SKIC8: variants seen among roughly 807,000 people sequenced by gnomAD.
SKIC8 encodes SKI8 subunit of superkiller complex.
At chr15:78,296,316 G>C in the SKIC8 span, among the ~76,000 whole-genome samples, 1 of 152,080 alleles carries the variant, frequency 6.6e-6, no homozygotes. Flanking sequence ...TGAGGCAGGA[G>C]AATCACTTGA....
chr15:78,292,334 C>A, the SKIC8 span: 2 of 333,930 alleles, frequency 6.0e-6, no homozygotes, highest in East Asian at 1.3e-4. Context: ...TACCAAAATT[C>A]ATTTGGCAGC....
chr15:78,285,225 C>G, the SKIC8 span: 3 of 1,603,424 alleles, frequency 1.9e-6, no homozygotes, highest in Non-Finnish European at 2.6e-6. Flanking sequence ...GGTCAAACAA[C>G]CCCGACTATC....
the SKIC8 span, among the ~76,000 whole-genome samples, chr15:78,298,867 A>C: frequency 6.6e-6 from 1 of 152,184 alleles, no homozygotes; most frequent in Non-Finnish European, 1.5e-5. Context: ...AGAAGCGGTT[A>C]AGGAAGCTTC....
At chr15:78,294,740 C>CT in the SKIC8 span, 14,224 of 460,348 alleles carry the variant, frequency 0.031, 2 homozygotes, top group East Asian at 0.04. Flanking sequence ...ATGATGACTG[C>CT]TTTTTTTTTT....
the SKIC8 span, chr15:78,288,248 T>C: frequency 1.3e-6 from 2 of 1,584,188 alleles, no homozygotes; most frequent in Non-Finnish European, 1.7e-6. Context: ...AGGGACAAGA[T>C]GGGCATCAGT....
chr15:78,289,031 G>A, the SKIC8 span: 12 of 367,746 alleles, frequency 3.3e-5, no homozygotes, highest in Middle Eastern at 7.5e-4. Flanking sequence ...TACATAATGT[G>A]ATAGATTACG....
At chr15:78,295,420 T>TTAA in the SKIC8 span, 1 of 470,316 alleles carries the variant, frequency 2.1e-6, no homozygotes, top group Non-Finnish European at 3.7e-6. Flanking sequence ...TTTTTTTTTG[T>TTAA]ACAACATCTT....
the SKIC8 span, chr15:78,289,605 A>G: frequency 1.9e-6 from 3 of 1,585,356 alleles, no homozygotes; most frequent in East Asian, 4.5e-5. Context: ...TCAAAATAAG[A>G]TGATGATATA....
the SKIC8 span, chr15:78,285,986 G>A: frequency 6.9e-7 from 1 of 1,451,958 alleles, no homozygotes; most frequent in Non-Finnish European, 9.5e-7. Flanking sequence ...ATCTATACAA[G>A]AAGACTGCTC....
At chr15:78,286,052 G>A in the SKIC8 span, 2 of 1,612,670 alleles carry the variant, frequency 1.2e-6, no homozygotes, top group Non-Finnish European at 1.7e-6. Flanking sequence ...TGGAAACAAA[G>A]TGAGTGTCAT....
the SKIC8 span, chr15:78,283,582 T>G: frequency 0.014 from 18,208 of 1,275,028 alleles, 1,924 homozygotes; most frequent in African/African-American, 0.23. Flanking sequence ...ATTTATGAAA[T>G]GAACATCCTT....
At chr15:78,290,136 A>G in the SKIC8 span, 2 of 1,583,616 alleles carry the variant, frequency 1.3e-6, no homozygotes, top group Non-Finnish European at 1.7e-6. Flanking sequence ...TACAGTGTGA[A>G]AAGACTTGGC....
the SKIC8 span, chr15:78,292,514 C>T: frequency 6.7e-7 from 1 of 1,481,500 alleles, no homozygotes; most frequent in East Asian, 2.4e-5. Context: ...TCACCCCTCT[C>T]AAATCCAAAA....
chr15:78,289,831 A>G, the SKIC8 span: 6 of 1,532,410 alleles, frequency 3.9e-6, no homozygotes, highest in East Asian at 1.1e-4. Context: ...TTGGCAAACC[A>G]CACCAGTGAG....
the SKIC8 span, chr15:78,290,079 A>T: frequency 6.2e-7 from 1 of 1,613,998 alleles, no homozygotes; most frequent in East Asian, 2.2e-5. Flanking sequence ...TCAGGAGAAA[A>T]GGCCAAAGTC....
the SKIC8 span, chr15:78,288,437 C>G: frequency 2.4e-5 from 37 of 1,546,480 alleles, no homozygotes; most frequent in South Asian, 3.6e-4. Flanking sequence ...CCTCACTCAG[C>G]TTCCCACTGA....
the SKIC8 span, chr15:78,295,370 A>G: frequency 3.4e-6 from 2 of 587,176 alleles, no homozygotes; most frequent in Non-Finnish European, 3.0e-6. Flanking sequence ...TTACAAAGAT[A>G]TGTTTCTCCT....
chr15:78,283,713 T>G, the SKIC8 span: 2 of 462,702 alleles, frequency 4.3e-6, no homozygotes, highest in Non-Finnish European at 3.8e-6. Flanking sequence ...TTAGAATTCC[T>G]GCCCCTTCCC....
chr15:78,293,631 A>C, the SKIC8 span, among the ~76,000 whole-genome samples: 2 of 152,234 alleles, frequency 1.3e-5, no homozygotes, highest in Admixed American at 1.3e-4. Context: ...AAAAGGCCTA[A>C]ACCCGGTAAC....
Sources: gnomAD v4.1 joint callset for allele counts (sites outside exome capture counted in the v4.1 genomes callset) on GRCh38, gnomAD v4.1.1 for gene constraint, MANE v1.5 for transcripts, NCBI Gene and HGNC (gene_info 2026-07-23, HGNC 2026-07-21) for gene names.